TOPAZ1: variants seen among roughly 807,000 people sequenced by gnomAD.
TOPAZ1 encodes the protein testis and ovary specific TOPAZ 1.
Under a neutral mutation model 172.2 loss-of-function variants are expected in TOPAZ1, and 66 were observed. That is an observed-to-expected ratio of 0.38 (90% CI 0.31 to 0.47). TOPAZ1 has a LOEUF of 0.47. TOPAZ1 is among the 20% of genes least tolerant of loss of function. The pLI, the probability that TOPAZ1 is intolerant of heterozygous loss-of-function variation, is 0.99. For synonymous variants in TOPAZ1, 681 were observed against 683.9 expected (o/e 1.00, Z 0.07); for missense variants, 1,822 against 1,972.4 (o/e 0.92, Z 1.44).
In TOPAZ1 at chr3:44,243,740, G is replaced by A. The variant is rs1470907961; in HGVS notation, c.1234G>A (p.Val412Ile). Residue 412 changes from valine to isoleucine, a missense_variant, in exon 2 of 20, where the codon GTA becomes ATA. Physicochemically the swap from Val to Ile is conservative, Grantham distance 29. Around this residue, in one of 2 missense-constraint regions of TOPAZ1, gnomAD observed 1,489 missense variants for 1,490.8 expected, o/e 1.00. Coordinates refer to ENST00000309765, the MANE Select transcript of TOPAZ1 (RefSeq NM_001145030.2). ...VEKETSSEHH[V>I]NAVFQKTIEP... ...AAAAGAAACAAGTTCTGAACATCAT[G>A]TAAATGCTGTGTTTCAGAAAACCAT... 6.4e-7 allele frequency: 1 copy of A among 1,551,460 alleles called. No individual in the cohort carries two copies. Among genetic ancestry groups the A allele is most frequent in the Non-Finnish European group, 8.7e-7 (1 of 1,146,906 alleles).
At chr3:44,333,022 CTA>C (rs992532692), downstream of TOPAZ1, among the ~76,000 whole-genome samples, 13 of 146,080 alleles carry the variant, frequency 8.9e-5, no homozygotes, top group Non-Finnish European at 3.0e-5. Context: ...TGGGGTTTTG[CTA>C]TGTTTCCCAG....
intron 9 of TOPAZ1, among the ~76,000 whole-genome samples, chr3:44,286,216 A>G (rs1196616808): frequency 6.6e-6 from 1 of 152,146 alleles, no homozygotes; most frequent in Non-Finnish European, 1.5e-5. Context: ...CTCTGTCTCA[A>G]AAAAATAAAT....
At chr3:44,272,332 A>G in intron 8 of TOPAZ1, among the ~76,000 whole-genome samples, 1 of 152,234 alleles carries the variant, frequency 6.6e-6, no homozygotes, top group Non-Finnish European at 1.5e-5. Flanking sequence ...ACAGTTTTCT[A>G]TAATGGCTAT....
At chr3:44,304,143 AG>A (rs1289093733) in intron 13 of TOPAZ1, 62 bp downstream of exon 13, 2 of 1,012,198 alleles carry the variant, frequency 2.0e-6, no homozygotes, top group Admixed American at 2.6e-5. Context: ...GCAACAAAAA[AG>A]GTTTGAATAA....
At chr3:44,299,039 C>A (rs1700238552) in intron 12 of TOPAZ1, among the ~76,000 whole-genome samples, 1 of 147,218 alleles carries the variant, frequency 6.8e-6, no homozygotes, top group Non-Finnish European at 1.5e-5. Flanking sequence ...TCTCCTGCCT[C>A]AGCCTCCCAA....
Position 44,304,099 on chromosome 3 carries a change from T to G in TOPAZ1, c.3864+18T>G. 7.3e-7 allele frequency: 1 copy of G among 1,361,508 alleles called. No homozygotes were observed. The highest frequency in any genetic ancestry group is 1.0e-6 in the Non-Finnish European group (1 of 985,890). The allele number at this position is 1,361,508 out of a possible 1,614,324, so 84.3% of individuals were successfully genotyped here. A position where few individuals can be genotyped will look rare whatever the true frequency, so the allele number is the denominator to read the frequency against. On this transcript the variant is annotated intron_variant, in intron 13 of 19. Transcript: ENST00000309765. ...AATTAGAGGTATGACATTTATTATT[T>G]TAAATACATTGCTGGGATCTCTGAA...
intron 2 of TOPAZ1, among the ~76,000 whole-genome samples, chr3:44,252,578 T>C (rs1013864676): frequency 6.6e-6 from 1 of 152,206 alleles, no homozygotes; most frequent in Non-Finnish European, 1.5e-5. Context: ...TAATGAAAGA[T>C]AAACATAGCA....
chr3:44,276,526 T>C (rs536138553), intron 8 of TOPAZ1, among the ~76,000 whole-genome samples: 52 of 152,066 alleles, frequency 3.4e-4, no homozygotes, highest in African/African-American at 1.2e-3. Context: ...ATTCCATTGG[T>C]CTATAGGTCT....
chr3:44,280,506 T>A (rs970631829), intron 8 of TOPAZ1, among the ~76,000 whole-genome samples: 8 of 151,686 alleles, frequency 5.3e-5, no homozygotes, highest in Non-Finnish European at 7.4e-5. Flanking sequence ...TGTCACCATG[T>A]CCAGTTAATT....
At chr3:44,330,534 C>G (rs1700656241) in intron 19 of TOPAZ1, among the ~76,000 whole-genome samples, 1 of 152,150 alleles carries the variant, frequency 6.6e-6, no homozygotes, top group South Asian at 2.1e-4. Context: ...TACCAGATTC[C>G]CGGGCACCTC....
Position 44,243,490 on chromosome 3 carries a change from A to G in TOPAZ1, c.984A>G (p.Arg328=). The part of the protein sequence containing the change: ...KYSIEESSVG[R]KPRKRMKLSE... ...CAATAGAGGAGAGCAGTGTTGGGCGAAAACCCAGGAAAAGGATGAAGTTGT... is the reference window on the plus strand; with the variant it reads ...CAATAGAGGAGAGCAGTGTTGGGCGGAAACCCAGGAAAAGGATGAAGTTGT... Residue 328 remains arginine (R), a synonymous_variant, in exon 2 of 20, where the codon CGA becomes CGG. Coordinates refer to ENST00000309765, the MANE Select transcript of TOPAZ1 (RefSeq NM_001145030.2). The G allele has an allele frequency of 6.4e-7, 1 of 1,551,754 alleles. No homozygotes were observed. Among genetic ancestry groups the G allele is most frequent in the South Asian group, 1.2e-5 (1 of 84,020 alleles).
intron 12 of TOPAZ1, among the ~76,000 whole-genome samples, chr3:44,300,809 C>T (rs367573758): frequency 6.7e-6 from 1 of 149,362 alleles, no homozygotes; most frequent in Non-Finnish European, 1.5e-5. Context: ...AAAACTTACA[C>T]GTAAATGTTC....
chr3:44,260,369 C>T (rs1396318891), intron 4 of TOPAZ1, among the ~76,000 whole-genome samples: 2 of 152,030 alleles, frequency 1.3e-5, no homozygotes, highest in Non-Finnish European at 2.9e-5. Context: ...GTTTTGACTT[C>T]GTTTAGGAGC....
In TOPAZ1 at chr3:44,269,471, C is replaced by CTTTTTTTTTTTTTTTTTTTTTTTTT. The variant is rs71085612; in HGVS notation, c.3246+177_3246+201dup. Among the ~76,000 whole-genome samples the CTTTTTTTTTTTTTTTTTTTTTTTTT allele has an allele frequency of 6.5e-4, 22 of 33,934 alleles. 1 individual carries two copies. Among genetic ancestry groups the CTTTTTTTTTTTTTTTTTTTTTTTTT allele is most frequent in the African/African-American group, 1.1e-3 (7 of 6,122 alleles). 22.3% of individuals were successfully genotyped at this position (33,934 alleles called of 152,430 possible). A position where few individuals can be genotyped will look rare whatever the true frequency, so the allele number is the denominator to read the frequency against. The stretch of plus-strand genomic sequence containing the variant: ...CCTTTTGATTGTATTTCCCTATCAT[C>CTTTTTTTTTTTTTTTTTTTTTTTTT]TTTTTTTTTTTTTTTTTTTTTTTTT... On this transcript the variant is annotated intron_variant, in intron 7 of 19. Transcript: ENST00000309765.
In TOPAZ1 at chr3:44,262,468, A is replaced by T; in HGVS notation, c.3005A>T (p.Tyr1002Phe). The change falls in exon 5 of 20, where the codon TAT (tyrosine) becomes TTT (phenylalanine). Residue 1002 changes from tyrosine (Y) to phenylalanine (F), a missense_variant. Tyr to Phe is a conservative substitution (Grantham distance 22). Around this residue, in one of 2 missense-constraint regions of TOPAZ1, gnomAD observed 1,489 missense variants for 1,490.8 expected, o/e 1.00. Coordinates refer to ENST00000309765, the MANE Select transcript of TOPAZ1 (RefSeq NM_001145030.2). ...ACCAAAGAAGAAAAAGAAAATATTT[A>T]TGAAGTTTGCAAAAGGTCTGTAACA... The part of the protein sequence containing the change: ...VITKEEKENI[Y>F]EVCKSKDSRN... 6.8e-7 allele frequency: 1 copy of T among 1,472,192 alleles called. No homozygotes were observed. The highest frequency in any genetic ancestry group is 9.3e-7 in the Non-Finnish European group (1 of 1,079,826). The allele number at this position is 1,472,192 out of a possible 1,614,324, so 91.2% of individuals were successfully genotyped here. A position where few individuals can be genotyped will look rare whatever the true frequency, so the allele number is the denominator to read the frequency against.
rs1699502928 is a variant in TOPAZ1, at chr3:44,242,889, A to G, written c.383A>G (p.Asp128Gly). Residue 128 changes from aspartate to glycine, a missense_variant, in exon 2 of 20, where the codon GAT (aspartate) becomes GGT (glycine). By Grantham distance (94) the Asp-to-Gly change is moderately conservative. Coordinates refer to ENST00000309765, the MANE Select transcript of TOPAZ1 (RefSeq NM_001145030.2). ...EKRKVTEASSDDPQPGLDLVR... is the reference protein window; with the variant it reads ...EKRKVTEASSGDPQPGLDLVR... ...AGAAAAGTTACTGAAGCCTCAAGTG[A>G]TGATCCACAGCCAGGGCTTGACTTG... 3.3e-6 allele frequency: 5 copies of G among 1,523,034 alleles called. No homozygotes were observed. Among genetic ancestry groups the G allele is most frequent in the East Asian group, 4.9e-5 (2 of 40,760 alleles). 94.3% of individuals were successfully genotyped at this position (1,523,034 alleles called of 1,614,324 possible).
intron 5 of TOPAZ1, 55 bp from the exon 6 acceptor site, chr3:44,266,942 C>T (rs910110295): frequency 1.5e-6 from 2 of 1,316,756 alleles, no homozygotes; most frequent in African/African-American, 1.5e-5. Flanking sequence ...CAAAGCATTA[C>T]TTTAATGTTT....
chr3:44,254,327 A>C (rs756277197), intron 2 of TOPAZ1, among the ~76,000 whole-genome samples: 2 of 152,144 alleles, frequency 1.3e-5, no homozygotes, highest in Non-Finnish European at 2.9e-5. Context: ...ATACATATAC[A>C]TGCTTAACAG....
At chr3:44,266,937 C>A in intron 5 of TOPAZ1, 60 bp from the exon 6 acceptor site, 1 of 1,250,404 alleles carries the variant, frequency 8.0e-7, no homozygotes, top group Non-Finnish European at 1.1e-6. Context: ...ATCTGCAAAG[C>A]ATTACTTTAA....
Sources: allele counts gnomAD v4.1 joint callset (sites outside exome capture counted in the v4.1 genomes callset), GRCh38; gene constraint gnomAD v4.1.1; regional missense constraint gnomAD v4.1.1; transcripts MANE v1.5; gene names NCBI Gene and HGNC (gene_info 2026-07-23, HGNC 2026-07-21).